CMTM4: variants seen among roughly 807,000 people sequenced by gnomAD.
CMTM4 encodes the protein CKLF-like MARVEL transmembrane domain-containing protein 4.
CMTM4 carries 8 observed loss-of-function variants against 19.0 expected under a neutral mutation model. That is an observed-to-expected ratio of 0.42 (90% CI 0.25 to 0.76). The LOEUF is 0.76. CMTM4 is among the 30% of genes least tolerant of loss of function. CMTM4 has a pLI of 0.27. For synonymous variants in CMTM4, 106 were observed against 121.1 expected (o/e 0.88, Z 0.82); for missense variants, 228 against 290.2 (o/e 0.79, Z 1.56).
chr16:66,684,325 C>T (rs2016995507), intron 1 of CMTM4, among the ~76,000 whole-genome samples: 1 of 152,068 alleles, frequency 6.6e-6, no homozygotes, highest in African/African-American at 2.4e-5. Flanking sequence ...AAGTACCCAC[C>T]ACCAAGCCTA....
At chr16:66,607,481 A>C in the CMTM4 span, among the ~76,000 whole-genome samples, 1 of 152,228 alleles carries the variant, frequency 6.6e-6, no homozygotes, top group African/African-American at 2.4e-5. Context: ...TGCTTTATCT[A>C]TCTGTCCATC....
intron 1 of CMTM4, among the ~76,000 whole-genome samples, chr16:66,688,039 A>T (rs934844966): frequency 2.0e-5 from 3 of 152,068 alleles, no homozygotes; most frequent in Non-Finnish European, 2.9e-5. Flanking sequence ...TGGAGGCTGG[A>T]AACTCCAAGA....
At chr16:66,631,093 T>A (rs1225308947) in intron 2 of CMTM4, among the ~76,000 whole-genome samples, 5 of 149,210 alleles carry the variant, frequency 3.4e-5, no homozygotes, top group Admixed American at 2.7e-4. Context: ...GAGGAGCCCC[T>A]CCACCCAGCA....
chr16:66,601,013 G>A, the CMTM4 span, among the ~76,000 whole-genome samples: 5 of 152,016 alleles, frequency 3.3e-5, no homozygotes, highest in Non-Finnish European at 1.5e-5. Flanking sequence ...GGCAGGGGAG[G>A]GAAGCACAGC....
At chr16:66,609,112 G>A in the CMTM4 span, among the ~76,000 whole-genome samples, 1 of 152,156 alleles carries the variant, frequency 6.6e-6, no homozygotes, top group African/African-American at 2.4e-5. The surrounding 1 kb of genome is among the most constrained non-coding windows in gnomAD (Gnocchi z 4.4). Flanking sequence ...AATGGAGAGC[G>A]GGAAGGGAGC....
intron 1 of CMTM4, among the ~76,000 whole-genome samples, chr16:66,666,326 G>A (rs916075151): frequency 4.0e-5 from 6 of 151,074 alleles, no homozygotes; most frequent in South Asian, 4.2e-4. Context: ...CATGGCGGGC[G>A]CCTGTAGTCC....
At chr16:66,607,572 T>G in the CMTM4 span, among the ~76,000 whole-genome samples, 1 of 152,218 alleles carries the variant, frequency 6.6e-6, no homozygotes, top group Admixed American at 6.5e-5. Flanking sequence ...CGCATATCAT[T>G]AAGGTTCAAG....
intron 1 of CMTM4, among the ~76,000 whole-genome samples, chr16:66,683,533 C>T (rs556407607): frequency 7.3e-5 from 11 of 151,612 alleles, no homozygotes; most frequent in Non-Finnish European, 1.0e-4. Context: ...CCTCGTGATC[C>T]GCCTGCCTCG....
At chr16:66,683,208 TATAA>T (rs2016971724) in intron 1 of CMTM4, among the ~76,000 whole-genome samples, 1 of 139,436 alleles carries the variant, frequency 7.2e-6, no homozygotes, top group Non-Finnish European at 1.5e-5. Flanking sequence ...TATATATATA[TATAA>T]ATTTTCCCCA....
intron 1 of CMTM4, among the ~76,000 whole-genome samples, chr16:66,685,927 G>A (rs530293037): frequency 2.0e-5 from 3 of 152,168 alleles, no homozygotes; most frequent in Non-Finnish European, 2.9e-5. Context: ...TTACAGGCAT[G>A]AGCCACTGCG....
intron 1 of CMTM4, among the ~76,000 whole-genome samples, chr16:66,636,857 G>A (rs1319081941): frequency 2.6e-5 from 4 of 152,218 alleles, no homozygotes; most frequent in Admixed American, 1.3e-4. Flanking sequence ...GCCCCCGGGT[G>A]TAAACTGCTG....
chr16:66,636,646 C>G (rs1027910590), intron 1 of CMTM4, 65 bp from the exon 2 acceptor site: 1 of 1,315,330 alleles, frequency 7.6e-7, no homozygotes, highest in Non-Finnish European at 1.1e-6. Flanking sequence ...GACATACGTA[C>G]CTGCCATGCT....
At chr16:66,665,663 G>C (rs1412187478) in intron 1 of CMTM4, among the ~76,000 whole-genome samples, 1 of 152,044 alleles carries the variant, frequency 6.6e-6, no homozygotes, top group African/African-American at 2.4e-5. Context: ...AGAATCACTT[G>C]AACCCAGGAG....
chr16:66,633,680 C>T (rs1479544705), intron 2 of CMTM4, among the ~76,000 whole-genome samples: 8 of 151,698 alleles, frequency 5.3e-5, no homozygotes, highest in South Asian at 2.1e-4. Flanking sequence ...TAGCTGGGCA[C>T]GGTGGCACAT....
rs144967543 is a variant in CMTM4 at position 66,622,422 on chromosome 16, G to T, written c.463-200C>A. ...TTGTTTCAAATACATATGACGGGGT[G>T]GCTCAGAGTCAAAGGGAAGCCTGTG... On this transcript the variant is annotated intron_variant, in intron 3 of 3. Transcript: ENST00000394106. The surrounding 1 kb of genome is among the most constrained non-coding windows in gnomAD (Gnocchi z 4.0). Among the ~76,000 whole-genome samples the T allele has an allele frequency of 2.0e-4, 31 of 152,252 alleles. No individual in the cohort carries two copies. The East Asian group carries it at 5.8e-3, about 28-fold the overall frequency.
At chr16:66,604,126 TGC>T in the CMTM4 span, 7 of 152,044 alleles carry the variant, frequency 4.6e-5, no homozygotes, top group South Asian at 4.1e-4. Flanking sequence ...TGTGTGTGTT[TGC>T]GCGCGCGCGC....
In CMTM4 at chr16:66,687,749, G is replaced by A. The variant is rs1387421214; in HGVS notation, c.186+8591C>T. Reference sequence around the variant, plus strand: ...GTCGCCCAGGCTGGAGTGCAGTGGCGCAATCTTGGCTCACTGCAAGCTCCG... The same window carrying A: ...GTCGCCCAGGCTGGAGTGCAGTGGCACAATCTTGGCTCACTGCAAGCTCCG... On this transcript the variant is annotated intron_variant, in intron 1 of 3. Transcript: ENST00000394106. Among the ~76,000 whole-genome samples, 10 of 147,906 alleles carry A rather than the reference G, an allele frequency of 6.8e-5. No homozygotes were observed. In the South Asian group the frequency reaches 1.7e-3, roughly 25 times the overall value.
At chr16:66,607,286 G>A in the CMTM4 span, among the ~76,000 whole-genome samples, 7 of 152,222 alleles carry the variant, frequency 4.6e-5, no homozygotes, top group Admixed American at 3.9e-4. Context: ...AGAGTTGTGG[G>A]CAAGACCACA....
intron 1 of CMTM4, among the ~76,000 whole-genome samples, chr16:66,682,649 G>C (rs967484070): frequency 6.6e-6 from 1 of 152,058 alleles, no homozygotes; most frequent in African/African-American, 2.4e-5. Flanking sequence ...ATTTCCCATA[G>C]CCTTCTCTAG....
Sources: gnomAD v4.1 joint callset for allele counts (sites outside exome capture counted in the v4.1 genomes callset) on GRCh38, gnomAD v4.1.1 for gene constraint, Gnocchi (gnomAD v3.1) non-coding constraint, MANE v1.5 for transcripts, NCBI Gene and HGNC (gene_info 2026-07-23, HGNC 2026-07-21) for gene names.